The following PARD3 variants were observed in gnomAD, a reference collection of about 807,000 sequenced individuals.
PARD3 encodes the protein partitioning defective 3 homolog.
Under a neutral mutation model 155.4 loss-of-function variants are expected in PARD3, and 75 were observed. The observed-to-expected ratio is 0.48, with a 90% CI of 0.40 to 0.58. The LOEUF is 0.58. PARD3 is among the 20% of genes least tolerant of loss of function. The probability of loss-of-function intolerance (pLI) is 0.00; values close to 1 mark genes in which losing one functional copy is unlikely to be tolerated. For synonymous variants in PARD3, 576 were observed against 610.5 expected (o/e 0.94, Z 0.83); for missense variants, 1,642 against 1,721.7 (o/e 0.95, Z 0.82).
chr10:34,476,646 G>A (rs1006758929), intron 3 of PARD3, among the ~76,000 whole-genome samples: 1 of 152,056 alleles, frequency 6.6e-6, no homozygotes, highest in Non-Finnish European at 1.5e-5. Flanking sequence ...TACCAAAAAG[G>A]TGCGAGTACA....
intron 22 of PARD3, among the ~76,000 whole-genome samples, chr10:34,139,535 C>T (rs1948073015): frequency 6.6e-6 from 1 of 152,094 alleles, no homozygotes; most frequent in Non-Finnish European, 1.5e-5. Flanking sequence ...TTTACTTGTA[C>T]CAATGGTTAA....
In PARD3 at chr10:34,581,238, T is replaced by TTTTTG. The variant is rs1554776276; in HGVS notation, c.223-64080_223-64079insCAAAA. On this transcript the variant is annotated intron_variant, in intron 2 of 24. Coordinates refer to ENST00000374788, the MANE Select transcript of PARD3 (RefSeq NM_001184785.2). ...GGTTATTTTTCTTTTTCTTTTCTTT[T>TTTTTG]TTTTTTTTTTTTTTGAGACGGAGTT... Among the ~76,000 whole-genome samples the TTTTTG allele has an allele frequency of 1.6e-4, 21 of 135,414 alleles. 1 individual carries two copies. The highest frequency in any genetic ancestry group is 5.9e-4 in the African/African-American group (21 of 35,314). The allele number at this position is 135,414 out of a possible 152,430, so 88.8% of individuals were successfully genotyped here.
At chr10:34,193,756 T>G (rs1323775751) in intron 22 of PARD3, among the ~76,000 whole-genome samples, 1 of 152,244 alleles carries the variant, frequency 6.6e-6, no homozygotes, top group African/African-American at 2.4e-5. Flanking sequence ...TTCCTGCCCA[T>G]CTTTACAAGA....
chr10:34,299,889 T>C (rs967688557), intron 20 of PARD3, among the ~76,000 whole-genome samples: 3 of 152,208 alleles, frequency 2.0e-5, no homozygotes, highest in Non-Finnish European at 4.4e-5. Flanking sequence ...TAATAATTAG[T>C]TCATAATACT....
intron 22 of PARD3, among the ~76,000 whole-genome samples, chr10:34,253,668 A>G (rs1025929020): frequency 6.6e-6 from 1 of 152,112 alleles, no homozygotes; most frequent in Non-Finnish European, 1.5e-5. Flanking sequence ...GAAATATCAT[A>G]GAAAGTTTCA....
chr10:34,356,107 T>C (rs117209521), intron 14 of PARD3, among the ~76,000 whole-genome samples: 2 of 151,934 alleles, frequency 1.3e-5, no homozygotes, highest in Non-Finnish European at 2.9e-5. Flanking sequence ...GAGAATGACA[T>C]AGTGCCTGCA....
At chr10:34,299,105 C>A (rs1377871515) in intron 20 of PARD3, among the ~76,000 whole-genome samples, 1 of 152,130 alleles carries the variant, frequency 6.6e-6, no homozygotes, top group Non-Finnish European at 1.5e-5. Context: ...TCTTATAGTC[C>A]CCAACAACTG....
rs188240868 is a variant in PARD3, at chr10:34,262,189, G to A, written c.3419+7468C>T. On this transcript the variant is annotated intron_variant, in intron 22 of 24. Transcript: ENST00000374788. ...GGGGAGGTCAGGATCTGTAAGAAGT[G>A]CTCCAGGGTCTTTCTACATATGCTT... 3.9e-5 allele frequency among the ~76,000 whole-genome samples: 6 copies of A among 152,164 alleles called. No individual in the cohort carries two copies. In the East Asian group the frequency reaches 9.7e-4, roughly 24 times the overall value.
chr10:34,331,374 G>A, intron 18 of PARD3, 30 bp from the exon 19 acceptor site: 1 of 1,434,372 alleles, frequency 7.0e-7, no homozygotes, highest in Non-Finnish European at 9.8e-7. Context: ...AAAAATGTTA[G>A]TGTGAATTAG....
chr10:34,348,099 C>G lies in PARD3; in HGVS notation c.2084G>C (p.Ser695Thr), dbSNP rs1329591581. The change falls in exon 15 of 25, where the codon AGC becomes ACC. Residue 695 changes from serine to threonine, a missense_variant. Transcript: ENST00000374788. Reference sequence around the variant, plus strand: ...AATGGGCAGCTCAGGTCCAGGGGGGCTCCCAGGTGACTTCAGCTACAGAGT... The same window carrying G: ...AATGGGCAGCTCAGGTCCAGGGGGGGTCCCAGGTGACTTCAGCTACAGAGT... ...SKCNELKSPG[S>T]PPGPELPIET... 5 of 1,608,602 alleles carry G rather than the reference C, an allele frequency of 3.1e-6. No homozygotes were observed. The East Asian group carries it at 6.7e-5, about 22-fold the overall frequency.
At chr10:34,159,068 T>C (rs1459868312) in intron 22 of PARD3, among the ~76,000 whole-genome samples, 3 of 152,240 alleles carry the variant, frequency 2.0e-5, no homozygotes, top group African/African-American at 7.2e-5. Flanking sequence ...GAGATTCAAC[T>C]ATGAAATGTA....
intron 2 of PARD3, among the ~76,000 whole-genome samples, chr10:34,663,338 T>C (rs1263574946): frequency 6.6e-6 from 1 of 152,026 alleles, no homozygotes; most frequent in African/African-American, 2.4e-5. Flanking sequence ...TAGTAGTGCA[T>C]GCCTGTAATC....
intron 2 of PARD3, among the ~76,000 whole-genome samples, chr10:34,539,759 T>C (rs2083472637): frequency 6.6e-6 from 1 of 152,210 alleles, no homozygotes; most frequent in Non-Finnish European, 1.5e-5. Context: ...GTGGAAACAC[T>C]ATGTAAAAGT....
chr10:34,227,093 G>GA (rs1172095058), intron 22 of PARD3, among the ~76,000 whole-genome samples: 1 of 152,090 alleles, frequency 6.6e-6, no homozygotes, highest in East Asian at 1.9e-4. Context: ...TACAGAATGG[G>GA]AAAAAATACT....
intron 20 of PARD3, among the ~76,000 whole-genome samples, chr10:34,306,654 T>C (rs888225715): frequency 1.0e-4 from 15 of 143,772 alleles, no homozygotes; most frequent in African/African-American, 3.0e-5. Flanking sequence ...CATCTCAAAA[T>C]AATAATAACA....
chr10:34,552,738 T>C (rs2133981053), intron 2 of PARD3, among the ~76,000 whole-genome samples: 1 of 151,964 alleles, frequency 6.6e-6, no homozygotes, highest in Non-Finnish European at 1.5e-5. Context: ...AATCTAAATT[T>C]ACTCTTCCAG....
chr10:34,459,295 C>A (rs989549674), intron 4 of PARD3, among the ~76,000 whole-genome samples: 1 of 152,060 alleles, frequency 6.6e-6, no homozygotes, highest in East Asian at 1.9e-4. Context: ...GCCTCCAGCA[C>A]AGCTGGGACT....
At chr10:34,393,484 G>A (rs1024665555) in intron 7 of PARD3, among the ~76,000 whole-genome samples, 1 of 151,912 alleles carries the variant, frequency 6.6e-6, no homozygotes, top group African/African-American at 2.4e-5. Context: ...GGGAGGCTGA[G>A]GTGGAAAAAT....
At chr10:34,586,910 T>A (rs746974501) in intron 2 of PARD3, among the ~76,000 whole-genome samples, 1 of 151,684 alleles carries the variant, frequency 6.6e-6, no homozygotes. Flanking sequence ...GATGGTGCCA[T>A]TGCACTCCAG....
Sources: gnomAD v4.1 joint callset for allele counts (sites outside exome capture counted in the v4.1 genomes callset) on GRCh38, gnomAD v4.1.1 for gene constraint, MANE v1.5 for transcripts, NCBI Gene and HGNC (gene_info 2026-07-23, HGNC 2026-07-21) for gene names.